SEMA4B: variants seen among roughly 807,000 people sequenced by gnomAD.
SEMA4B encodes semaphorin 4B, also known as semaphorin-4B.
In SEMA4B, 55 loss-of-function variants were observed where a neutral mutation model predicts 88.1. The observed-to-expected ratio is 0.62, with a 90% CI of 0.50 to 0.78. The LOEUF (loss-of-function observed/expected upper bound fraction) is 0.78, where lower values mean the gene tolerates loss of function less well. Among genes scored for constraint, SEMA4B ranks in the 30% least tolerant of loss-of-function variants. The probability of loss-of-function intolerance (pLI) is 0.00; values close to 1 mark genes in which losing one functional copy is unlikely to be tolerated. For synonymous variants in SEMA4B, 525 were observed against 473.6 expected, an observed-to-expected ratio of 1.11 and a Z score of -1.41; for missense variants, 1,062 against 1,111.9, an observed-to-expected ratio of 0.96 and a Z score of 0.64.
At chr15:90,198,314 A>G (rs1433905660), upstream of SEMA4B, among the ~76,000 whole-genome samples, 4 of 152,180 alleles carry the variant, frequency 2.6e-5, no homozygotes, top group East Asian at 7.7e-4. Flanking sequence ...AGTTGCATTC[A>G]TTCATTCATT....
At chr15:90,213,004 GT>G (rs1488746134) in intron 1 of SEMA4B, among the ~76,000 whole-genome samples, 1 of 152,170 alleles carries the variant, frequency 6.6e-6, no homozygotes, top group African/African-American at 2.4e-5. Flanking sequence ...TTTGGATTTT[GT>G]TTTTGAGTCA....
intron 1 of SEMA4B, among the ~76,000 whole-genome samples, chr15:90,193,965 C>CCT (rs1466376628): frequency 6.6e-6 from 1 of 151,752 alleles, no homozygotes; most frequent in Non-Finnish European, 1.5e-5. Context: ...GATTCTCCTG[C>CCT]CTCAGCCTCC....
intron 1 of SEMA4B, among the ~76,000 whole-genome samples, chr15:90,204,730 C>T (rs541846586): frequency 3.9e-5 from 6 of 152,248 alleles, no homozygotes; most frequent in Non-Finnish European, 8.8e-5. Context: ...TCTCATGGCC[C>T]TCCAAAGTCT....
At chr15:90,191,477 G>A (rs1174789976) in intron 1 of SEMA4B, among the ~76,000 whole-genome samples, 1 of 152,244 alleles carries the variant, frequency 6.6e-6, no homozygotes, top group Non-Finnish European at 1.5e-5. Flanking sequence ...CTACATGCCA[G>A]TGTTGCCCGT....
At chr15:90,188,330 A>G (rs1036026854) in intron 1 of SEMA4B, among the ~76,000 whole-genome samples, 1 of 144,970 alleles carries the variant, frequency 6.9e-6, no homozygotes, top group African/African-American at 2.8e-5. Context: ...TCTCAAAAAT[A>G]AAATAAAATA....
At chr15:90,209,775 GAGTT>G (rs1298063887) in intron 1 of SEMA4B, among the ~76,000 whole-genome samples, 1 of 152,212 alleles carries the variant, frequency 6.6e-6, no homozygotes, top group Non-Finnish European at 1.5e-5. Flanking sequence ...GGATGAGTGT[GAGTT>G]AGTCAAAAGG....
At chr15:90,188,019 AGAAAG>A (rs1429087176) in intron 1 of SEMA4B, among the ~76,000 whole-genome samples, 1 of 146,046 alleles carries the variant, frequency 6.8e-6, no homozygotes, top group Admixed American at 6.8e-5. Flanking sequence ...AAAAAAAAAA[AGAAAG>A]AAAAGAAACG....
Position 90,217,570 on chromosome 15 carries a change from C to T in SEMA4B, c.289C>T (p.Leu97Phe), listed in dbSNP as rs1596146688. ...GGCCCTCTTTGCACTCAGTAGCAAC[C>T]TCAGCTTCCTGCCAGGCGGGGAGTA... Reference protein sequence around the residue: ...REALFALSSNLSFLPGGEYQE... With the variant: ...REALFALSSNFSFLPGGEYQE... Residue 97 changes from leucine to phenylalanine, a missense_variant, in exon 2 of 14, where the codon CTC (leucine) becomes TTC (phenylalanine). By Grantham distance (22) the Leu-to-Phe change is conservative. Coordinates refer to ENST00000411539, the MANE Select transcript of SEMA4B (RefSeq NM_198925.4). 1.2e-6 allele frequency: 2 copies of T among 1,613,956 alleles called. No individual in the cohort carries two copies. The highest frequency in any genetic ancestry group is 1.7e-6 in the Non-Finnish European group (2 of 1,179,852).
chr15:90,222,268 T>A (rs991173140), intron 7 of SEMA4B, among the ~76,000 whole-genome samples: 7 of 145,600 alleles, frequency 4.8e-5, no homozygotes, highest in African/African-American at 1.5e-4. Context: ...TTTTTTTTTT[T>A]ACTTAAAAAA....
At position 90,225,147 on chromosome 15, in the gene SEMA4B, C is replaced by A; in HGVS notation, c.1374C>A (p.His458Gln). ...CTGTACACCGCGTCCCTGGCCTGCA[C>A]CACACCTACGATGTCCTCTTCCTGG... ...RVAVHRVPGL[H>Q]HTYDVLFLGT... Residue 458 changes from histidine (H) to glutamine (Q), a missense_variant, in exon 10 of 14, where the codon CAC (histidine) becomes CAA (glutamine). Transcript: ENST00000411539. The A allele has an allele frequency of 6.2e-7, 1 of 1,611,648 alleles. No individual in the cohort carries two copies. Among genetic ancestry groups the A allele is most frequent in the Non-Finnish European group, 8.5e-7 (1 of 1,178,960 alleles).
At chr15:90,214,325 T>C in intron 1 of SEMA4B, among the ~76,000 whole-genome samples, 2 of 90,852 alleles carry the variant, frequency 2.2e-5, no homozygotes, top group African/African-American at 5.8e-5. Flanking sequence ...AGAAACTCCG[T>C]CTCAAAAAAA....
chr15:90,224,775 G>A (rs1433581506), intron 9 of SEMA4B, among the ~76,000 whole-genome samples, 193 bp from the exon 10 acceptor site: 1 of 152,122 alleles, frequency 6.6e-6, no homozygotes, highest in South Asian at 2.1e-4. Context: ...CCAAGCACTC[G>A]GTTTCCCCGC....
At chr15:90,222,954 G>GTATATATGTA (rs1961938947) in intron 7 of SEMA4B, among the ~76,000 whole-genome samples, 1 of 130,550 alleles carries the variant, frequency 7.7e-6, no homozygotes, top group African/African-American at 3.0e-5. Context: ...GTAACTCTGT[G>GTATATATGTA]TATATATATA....
intron 1 of SEMA4B, among the ~76,000 whole-genome samples, chr15:90,216,168 A>G (rs989685058): frequency 6.6e-6 from 1 of 152,034 alleles, no homozygotes; most frequent in Non-Finnish European, 1.5e-5. Flanking sequence ...TTATATTTTT[A>G]GTAGAGACGG....
At position 90,229,473 on chromosome 15, in the gene SEMA4B, G is replaced by A. The variant is rs1209801982; in HGVS notation, c.*830G>A. 3.1e-5 allele frequency: 14 copies of A among 446,640 alleles called. No homozygotes were observed. In the Middle Eastern group the frequency reaches 2.0e-3, roughly 63 times the overall value. The allele number at this position is 446,640 out of a possible 1,614,324, so 27.7% of individuals were successfully genotyped here. On this transcript the variant is annotated 3_prime_UTR_variant, in exon 14 of 14. Transcript: ENST00000411539. ...TCGCTCCATCTTTGAACTCAAACAC[G>A]AGGAACTAACTGCACCCTGGTCCTC...
At chr15:90,215,013 C>T (rs1426516668) in intron 1 of SEMA4B, 1 of 1,259,600 alleles carries the variant, frequency 7.9e-7, no homozygotes, top group South Asian at 1.3e-5. Flanking sequence ...GGGCGTGTTG[C>T]ACTTTTTGCT....
intron 1 of SEMA4B, among the ~76,000 whole-genome samples, chr15:90,216,681 T>C (rs531241308): frequency 6.6e-6 from 1 of 152,126 alleles, no homozygotes; most frequent in Non-Finnish European, 1.5e-5. Flanking sequence ...CCGTCTCTAC[T>C]AAAAATACAA....
Position 90,201,379 on chromosome 15 carries a change from G to T in SEMA4B, c.-200G>T, listed in dbSNP as rs1960711415. On this transcript the variant is annotated 5_prime_UTR_variant, in exon 1 of 14. Transcript: ENST00000411539. ...CCGAGGCTGCGGGGCCGGCGCCGGC[G>T]GGAGGACTGCGGTGCCCCGCGGAGG... The T allele has an allele frequency of 8.0e-7, 1 of 1,255,094 alleles. No individual in the cohort carries two copies. Among genetic ancestry groups the T allele is most frequent in the East Asian group, 3.3e-5 (1 of 30,080 alleles). The allele number at this position is 1,255,094 out of a possible 1,614,324, so 77.7% of individuals were successfully genotyped here. A position where few individuals can be genotyped will look rare whatever the true frequency, so the allele number is the denominator to read the frequency against.
intron 1 of SEMA4B, among the ~76,000 whole-genome samples, chr15:90,189,931 T>C (rs1452495640): frequency 6.6e-6 from 1 of 152,138 alleles, no homozygotes; most frequent in Non-Finnish European, 1.5e-5. Context: ...AAGAGGTGGC[T>C]GGGAGGAGCA....
Sources: gnomAD v4.1 joint callset for allele counts (sites outside exome capture counted in the v4.1 genomes callset) on GRCh38, gnomAD v4.1.1 for gene constraint, MANE v1.5 for transcripts, NCBI Gene and HGNC (gene_info 2026-07-23, HGNC 2026-07-21) for gene names.